The following KIAA2012 variants were observed in gnomAD, a reference collection of about 807,000 sequenced individuals.
The protein encoded by KIAA2012 is uncharacterized protein KIAA2012.
In KIAA2012, 125 loss-of-function variants were observed where a neutral mutation model predicts 150.6. That is an observed-to-expected ratio of 0.83 (90% CI 0.72 to 0.96). The LOEUF (loss-of-function observed/expected upper bound fraction) is 0.96. KIAA2012 is among the 40% of genes least tolerant of loss of function. The pLI, the probability that KIAA2012 is intolerant of heterozygous loss-of-function variation, is 0.00. For synonymous variants in KIAA2012, 462 were observed against 504.7 expected (o/e 0.92, Z 1.13); for missense variants, 1,219 against 1,354.9 (o/e 0.90, Z 1.57).
intron 20 of KIAA2012, among the ~76,000 whole-genome samples, 179 bp from the exon 21 acceptor site, chr2:202,194,011 G>A (rs1053135391): frequency 3.3e-5 from 5 of 152,218 alleles, no homozygotes; most frequent in Non-Finnish European, 5.9e-5. Flanking sequence ...TTTCAAGCCC[G>A]CTGGGCTCTT....
intron 2 of KIAA2012, among the ~76,000 whole-genome samples, chr2:202,077,715 T>C (rs1456889859): frequency 1.3e-5 from 2 of 152,152 alleles, no homozygotes; most frequent in African/African-American, 4.8e-5. Flanking sequence ...CTCACACCTG[T>C]AATCCAGCAC....
At chr2:202,173,646 A>G (rs1386069072) in intron 15 of KIAA2012, among the ~76,000 whole-genome samples, 1 of 152,188 alleles carries the variant, frequency 6.6e-6, no homozygotes, top group Non-Finnish European at 1.5e-5. Flanking sequence ...TAAATAAACT[A>G]TTAACCAATC....
chr2:202,078,861 C>T (rs929835121), intron 2 of KIAA2012, among the ~76,000 whole-genome samples: 11 of 152,082 alleles, frequency 7.2e-5, no homozygotes, highest in Non-Finnish European at 1.6e-4. Context: ...GACTAGGCCA[C>T]ATAGAAAACA....
In KIAA2012 at chr2:202,140,143, G is replaced by A. The variant is rs188399016; in HGVS notation, c.1908+1635G>A. ...CTCGGGAGGCTGAGGCAGGAGAATC[G>A]CTTGAATGCAGAAGATGGAGGTTGC... On this transcript the variant is annotated intron_variant, in intron 13 of 23. Transcript: ENST00000498697. 6.0e-4 allele frequency among the ~76,000 whole-genome samples: 92 copies of A among 152,186 alleles called. 1 individual carries two copies. Among genetic ancestry groups the A allele is most frequent in the African/African-American group, 1.5e-3 (64 of 41,522 alleles).
At chr2:202,162,728 G>A (rs1318743702) in intron 14 of KIAA2012, among the ~76,000 whole-genome samples, 3 of 151,490 alleles carry the variant, frequency 2.0e-5, no homozygotes, top group African/African-American at 7.3e-5. Flanking sequence ...TCAAGAGATC[G>A]AGACAATCCT....
chr2:202,196,196 T>TTTTTC (rs1559235318), intron 21 of KIAA2012, among the ~76,000 whole-genome samples: 3 of 129,122 alleles, frequency 2.3e-5, no homozygotes, highest in African/African-American at 8.7e-5. Context: ...CTTTTTTTTT[T>TTTTTC]TTTTTTTTTT....
At position 202,174,049 on chromosome 2, in the gene KIAA2012, T is replaced by C. The variant is rs184253315; in HGVS notation, c.2119+8693T>C. ...GGCACGATCTCGGCTCACTGCAACC[T>C]CTGCCTCCCAGGTTCAAGCAATTCT... On this transcript the variant is annotated intron_variant, in intron 15 of 23. Transcript: ENST00000498697. Among the ~76,000 whole-genome samples, 98 of 152,222 alleles carry C rather than the reference T, an allele frequency of 6.4e-4. No individual in the cohort carries two copies. In the East Asian group the frequency reaches 0.015, roughly 23 times the overall value.
At chr2:202,090,617 T>C (rs1689693467) in intron 2 of KIAA2012, among the ~76,000 whole-genome samples, 153 bp from the exon 3 acceptor site, 1 of 152,234 alleles carries the variant, frequency 6.6e-6, no homozygotes, top group Admixed American at 6.5e-5. Flanking sequence ...GGCTCTTGGT[T>C]CATGTCTATT....
chr2:202,200,163 C>A (rs910413297), intron 22 of KIAA2012, among the ~76,000 whole-genome samples: 2 of 152,028 alleles, frequency 1.3e-5, no homozygotes. Context: ...AATCTCTTGA[C>A]CTCGTGGTCC....
intron 3 of KIAA2012, among the ~76,000 whole-genome samples, chr2:202,091,437 C>A (rs186025307): frequency 9.2e-5 from 14 of 152,280 alleles, no homozygotes; most frequent in Admixed American, 4.6e-4. Context: ...TGAAATGTTA[C>A]GACTCTTCCT....
chr2:202,165,244 T>C, intron 14 of KIAA2012, 40 bp from the exon 15 acceptor site: 2 of 1,526,502 alleles, frequency 1.3e-6, no homozygotes, highest in Non-Finnish European at 1.8e-6. Flanking sequence ...TTTGCATTTA[T>C]TATGTCTAAT....
At chr2:202,089,161 G>A (rs1327884361) in intron 2 of KIAA2012, among the ~76,000 whole-genome samples, 1 of 152,202 alleles carries the variant, frequency 6.6e-6, no homozygotes, top group Non-Finnish European at 1.5e-5. Flanking sequence ...TACAAAATGA[G>A]TTTCAGGATA....
chr2:202,193,834 T>C (rs188222922), intron 20 of KIAA2012, among the ~76,000 whole-genome samples: 1 of 152,348 alleles, frequency 6.6e-6, no homozygotes, highest in East Asian at 1.9e-4. Context: ...GTCAAGCCCC[T>C]GCACTTTGTG....
intron 2 of KIAA2012, among the ~76,000 whole-genome samples, chr2:202,076,106 C>T (rs1689317547): frequency 6.6e-6 from 1 of 152,228 alleles, no homozygotes; most frequent in Admixed American, 6.5e-5. Context: ...CAAAACACAA[C>T]TTAAATACCA....
At chr2:202,197,266 A>C in intron 22 of KIAA2012, 1 of 577,016 alleles carries the variant, frequency 1.7e-6, no homozygotes, top group Non-Finnish European at 3.0e-6. Flanking sequence ...CCTAGTTTAT[A>C]GATGAAAAAA....
At chr2:202,121,775 G>A (rs911937062) in intron 11 of KIAA2012, among the ~76,000 whole-genome samples, 4 of 152,190 alleles carry the variant, frequency 2.6e-5, no homozygotes, top group African/African-American at 7.2e-5. Context: ...GGACCTCAGA[G>A]TCGACGTGGA....
At chr2:202,137,369 T>C (rs1691091316) in intron 12 of KIAA2012, 1 of 146,216 alleles carries the variant, frequency 6.8e-6, no homozygotes, top group Non-Finnish European at 1.5e-5. Flanking sequence ...CAGGCTGGAG[T>C]GCAGTGGCGT....
chr2:202,100,567 C>G (rs967982869), intron 7 of KIAA2012, 118 bp downstream of exon 7: 2 of 1,191,798 alleles, frequency 1.7e-6, no homozygotes, highest in Admixed American at 2.8e-5. Flanking sequence ...GAGAACTGGC[C>G]TCTCTAGCGT....
At chr2:202,130,281 A>G (rs567567787) in intron 12 of KIAA2012, among the ~76,000 whole-genome samples, 5 of 152,196 alleles carry the variant, frequency 3.3e-5, no homozygotes, top group African/African-American at 1.2e-4. Context: ...ATAGATACAC[A>G]CTAGGAGTAT....
Sources: gnomAD v4.1 joint callset for allele counts (sites outside exome capture counted in the v4.1 genomes callset) on GRCh38, gnomAD v4.1.1 for gene constraint, MANE v1.5 for transcripts, NCBI Gene and HGNC (gene_info 2026-07-23, HGNC 2026-07-21) for gene names.